The following MACROD2 variants were observed in gnomAD, a reference collection of about 807,000 sequenced individuals.
MACROD2 encodes mono-ADP ribosylhydrolase 2.
A neutral mutation model predicts 70.4 loss-of-function variants in MACROD2; 36 were observed. The ratio of observed to expected loss-of-function variants is 0.51; its 90% confidence interval spans 0.39 to 0.68. The LOEUF (loss-of-function observed/expected upper bound fraction) is 0.68. MACROD2 is among the 30% of genes least tolerant of loss of function. The pLI, the probability that MACROD2 is intolerant of heterozygous loss-of-function variation, is 0.00. For missense variants in MACROD2, 496 were observed against 538.4 expected, an observed-to-expected ratio of 0.92 and a Z score of 0.78; for synonymous variants, 172 against 178.8, an observed-to-expected ratio of 0.96 and a Z score of 0.30.
intron 8 of MACROD2, among the ~76,000 whole-genome samples, chr20:15,596,984 G>C (rs575264844): frequency 1.3e-5 from 2 of 152,326 alleles, no homozygotes; most frequent in East Asian, 3.9e-4. Flanking sequence ...ATTCCATGGA[G>C]ATCATCCTAC....
intron 5 of MACROD2, among the ~76,000 whole-genome samples, chr20:15,061,945 A>G (rs754258079): frequency 2.6e-5 from 4 of 152,086 alleles, no homozygotes; most frequent in Non-Finnish European, 5.9e-5. Flanking sequence ...AGGTGGGGAG[A>G]CACGATGTTC....
intron 12 of MACROD2, among the ~76,000 whole-genome samples, chr20:15,949,910 G>T (rs2065881630): frequency 6.6e-6 from 1 of 152,076 alleles, no homozygotes; most frequent in African/African-American, 2.4e-5. Flanking sequence ...AATGCATGAA[G>T]TCTTTTCTGT....
At chr20:14,274,353 A>G (rs960844069) in intron 3 of MACROD2, among the ~76,000 whole-genome samples, 27 of 152,206 alleles carry the variant, frequency 1.8e-4, no homozygotes, top group South Asian at 4.1e-4. Flanking sequence ...ACGCAAATCA[A>G]TAAATGTAAT....
intron 3 of MACROD2, among the ~76,000 whole-genome samples, chr20:14,215,598 T>C (rs1005519844): frequency 6.6e-6 from 1 of 152,138 alleles, no homozygotes; most frequent in Non-Finnish European, 1.5e-5. Flanking sequence ...GTGTTTTCCA[T>C]AGCGGCTGTA....
intron 3 of MACROD2, among the ~76,000 whole-genome samples, chr20:14,254,444 C>A (rs2082037114): frequency 6.6e-6 from 1 of 151,678 alleles, no homozygotes; most frequent in Non-Finnish European, 1.5e-5. Context: ...AATTAAGATA[C>A]AAATAGGGCC....
intron 15 of MACROD2, among the ~76,000 whole-genome samples, chr20:16,035,479 T>C (rs892222538): frequency 2.6e-5 from 4 of 151,806 alleles, no homozygotes; most frequent in Non-Finnish European, 4.4e-5. Flanking sequence ...ACACTCACCA[T>C]TTGTAGTTTG....
At chr20:15,979,490 C>T (rs1202466623) in intron 13 of MACROD2, among the ~76,000 whole-genome samples, 1 of 152,126 alleles carries the variant, frequency 6.6e-6, no homozygotes, top group African/African-American at 2.4e-5. Context: ...ATATAATCCT[C>T]TTTTAGGACG....
intron 4 of MACROD2, among the ~76,000 whole-genome samples, chr20:14,568,097 G>A (rs1243791698): frequency 6.6e-6 from 1 of 151,916 alleles, no homozygotes; most frequent in Non-Finnish European, 1.5e-5. Flanking sequence ...CATTTTATTA[G>A]GGCTTTTAGC....
intron 5 of MACROD2, among the ~76,000 whole-genome samples, chr20:15,103,358 GT>G (rs1387577019): frequency 6.6e-6 from 1 of 151,854 alleles, no homozygotes; most frequent in East Asian, 1.9e-4. Flanking sequence ...TCATGTGTGG[GT>G]TTTTTGAAAA....
At chr20:14,790,904 G>A (rs1043060548) in intron 5 of MACROD2, among the ~76,000 whole-genome samples, 43 of 151,974 alleles carry the variant, frequency 2.8e-4, no homozygotes, top group African/African-American at 9.9e-4. Flanking sequence ...CTCTCTGTGC[G>A]AGCTCTGGGG....
chr20:15,310,803 CAG>C (rs2077744030), intron 6 of MACROD2, among the ~76,000 whole-genome samples: 1 of 152,074 alleles, frequency 6.6e-6, no homozygotes, highest in South Asian at 2.1e-4. Flanking sequence ...ACATCGCACT[CAG>C]ATAACAGAAA....
chr20:16,040,493 G>C (rs1427839654), intron 15 of MACROD2, among the ~76,000 whole-genome samples: 10 of 151,956 alleles, frequency 6.6e-5, no homozygotes. Flanking sequence ...AAAAACTTAA[G>C]AGAGATTTAA....
intron 4 of MACROD2, among the ~76,000 whole-genome samples, chr20:14,669,624 A>T (rs1273115577): frequency 2.0e-5 from 3 of 152,160 alleles, no homozygotes; most frequent in African/African-American, 7.2e-5. Flanking sequence ...GATAAAACAA[A>T]TGAGGTTGTC....
chr20:14,256,350 CTATT>C, intron 3 of MACROD2, among the ~76,000 whole-genome samples: 2 of 152,190 alleles, frequency 1.3e-5, no homozygotes, highest in Admixed American at 1.3e-4. Context: ...ACTGATAACT[CTATT>C]ATATGAATTC....
chr20:14,472,252 C>T (rs1419508881), intron 3 of MACROD2, among the ~76,000 whole-genome samples: 1 of 152,080 alleles, frequency 6.6e-6, no homozygotes, highest in Non-Finnish European at 1.5e-5. Flanking sequence ...AGGATTGTTA[C>T]AGTCATATTT....
intron 5 of MACROD2, among the ~76,000 whole-genome samples, chr20:14,711,194 T>C (rs2071334490): frequency 6.6e-6 from 1 of 152,204 alleles, no homozygotes; most frequent in African/African-American, 2.4e-5. Flanking sequence ...GGATTTTTGT[T>C]CAACACAGAT....
chr20:15,858,548 G>A (rs779285391), intron 8 of MACROD2, among the ~76,000 whole-genome samples: 5 of 152,132 alleles, frequency 3.3e-5, no homozygotes, highest in Admixed American at 6.5e-5. Flanking sequence ...ACAGTTACAG[G>A]GAGAAGCTGG....
chr20:14,929,931 AC>A, intron 5 of MACROD2, among the ~76,000 whole-genome samples: 1 of 152,080 alleles, frequency 6.6e-6, no homozygotes, highest in Admixed American at 6.5e-5. Flanking sequence ...GGAGGCCGAC[AC>A]AGGCGGATCA....
intron 15 of MACROD2, among the ~76,000 whole-genome samples, chr20:16,032,397 G>A (rs1181756146): frequency 6.6e-6 from 1 of 152,050 alleles, no homozygotes; most frequent in Non-Finnish European, 1.5e-5. Flanking sequence ...TATCTAAAAT[G>A]AAACTTGACA....
Sources: gnomAD v4.1 joint callset for allele counts (sites outside exome capture counted in the v4.1 genomes callset) on GRCh38, gnomAD v4.1.1 for gene constraint, MANE v1.5 for transcripts, NCBI Gene and HGNC (gene_info 2026-07-23, HGNC 2026-07-21) for gene names.